The following ROR2 variants were observed in gnomAD, a reference collection of about 807,000 sequenced individuals.
ROR2 encodes the protein ROR family WNT receptor 2.
ROR2 carries 33 observed loss-of-function variants against 74.9 expected under a neutral mutation model. That is an observed-to-expected ratio of 0.44 (90% CI 0.33 to 0.59). The LOEUF (loss-of-function observed/expected upper bound fraction) is 0.59. Among genes scored for constraint, ROR2 ranks in the 20% least tolerant of loss-of-function variants. ROR2 has a pLI of 0.02. For synonymous variants in ROR2, 586 were observed against 558.7 expected, an observed-to-expected ratio of 1.05 and a Z score of -0.69; for missense variants, 1,216 against 1,313.8, an observed-to-expected ratio of 0.93 and a Z score of 1.15.
intron 1 of ROR2, among the ~76,000 whole-genome samples, chr9:91,781,314 C>T (rs950097667): frequency 2.0e-5 from 3 of 152,214 alleles, no homozygotes; most frequent in Admixed American, 2.0e-4. Flanking sequence ...AGCTACGCTG[C>T]GAGCAAGCTC....
At chr9:91,947,158 C>G (rs543733830) in intron 1 of ROR2, among the ~76,000 whole-genome samples, 17 of 152,278 alleles carry the variant, frequency 1.1e-4, no homozygotes, top group South Asian at 8.3e-4. Context: ...AAAAACTACC[C>G]CTGGAAAACG....
chr9:91,780,154 G>A (rs1040868067), intron 1 of ROR2, among the ~76,000 whole-genome samples: 3 of 152,220 alleles, frequency 2.0e-5, no homozygotes, highest in Non-Finnish European at 2.9e-5. Context: ...CACTTTGGGA[G>A]GCCAAGGCGG....
chr9:91,815,964 G>C (rs975156228), intron 1 of ROR2, among the ~76,000 whole-genome samples: 1 of 152,056 alleles, frequency 6.6e-6, no homozygotes, highest in Non-Finnish European at 1.5e-5. Flanking sequence ...ACCTGCTCAC[G>C]GTCACCCCCA....
chr9:91,782,665 T>C (rs1826662456), intron 1 of ROR2, among the ~76,000 whole-genome samples: 1 of 150,986 alleles, frequency 6.6e-6, no homozygotes, highest in African/African-American at 2.4e-5. Flanking sequence ...CGTCCTGGGC[T>C]GCATGTGCCA....
chr9:91,856,642 C>A (rs1829297409), intron 1 of ROR2, among the ~76,000 whole-genome samples: 4 of 152,148 alleles, frequency 2.6e-5, no homozygotes, highest in Admixed American at 2.6e-4. Context: ...GAGAAACCAA[C>A]CCTGCTGACA....
In ROR2 at chr9:91,731,165, G is replaced by T; in HGVS notation, c.938-10C>A. 1 of 1,613,980 alleles carries T rather than the reference G, an allele frequency of 6.2e-7. No individual in the cohort carries two copies. Among genetic ancestry groups the T allele is most frequent in the South Asian group, 1.1e-5 (1 of 91,072 alleles). ...TTATAGCACTGATGGTCTGAACAAG[G>T]AAAACACGTTAGGAAAACCTCCGGG... is the stretch of plus-strand genomic sequence containing the variant. On this transcript the variant is annotated splice_polypyrimidine_tract_variant and intron_variant, in intron 6 of 8. Coordinates refer to ENST00000375708, the MANE Select transcript of ROR2 (RefSeq NM_004560.4).
chr9:91,887,490 T>C (rs923657006), intron 1 of ROR2, among the ~76,000 whole-genome samples: 3 of 152,252 alleles, frequency 2.0e-5, no homozygotes, highest in African/African-American at 7.2e-5. Context: ...TGTTTGAACA[T>C]GTGGCTCCAG....
intron 1 of ROR2, among the ~76,000 whole-genome samples, chr9:91,845,783 C>G (rs1462342853): frequency 1.4e-5 from 2 of 140,614 alleles, no homozygotes; most frequent in Non-Finnish European, 3.0e-5. Flanking sequence ...TCAGCCGACA[C>G]AGGAGAATTG....
At chr9:91,787,686 C>T (rs1378961401) in intron 1 of ROR2, among the ~76,000 whole-genome samples, 1 of 152,108 alleles carries the variant, frequency 6.6e-6, no homozygotes, top group Non-Finnish European at 1.5e-5. Context: ...AGAAAAAACA[C>T]AGCATCAACA....
intron 1 of ROR2, among the ~76,000 whole-genome samples, chr9:91,895,023 G>A (rs914524683): frequency 2.6e-5 from 4 of 152,220 alleles, no homozygotes; most frequent in African/African-American, 9.6e-5. Flanking sequence ...GGAAGCAGAT[G>A]TCCTTCAGCA....
intron 1 of ROR2, among the ~76,000 whole-genome samples, chr9:91,841,479 A>C (rs1418714484): frequency 6.6e-6 from 1 of 152,260 alleles, no homozygotes; most frequent in Non-Finnish European, 1.5e-5. Context: ...AGACTGGCAA[A>C]GGCCGGAAGC....
At chr9:91,946,981 GCTAA>G (rs780308299) in intron 1 of ROR2, among the ~76,000 whole-genome samples, 42 of 152,208 alleles carry the variant, frequency 2.8e-4, no homozygotes, top group South Asian at 8.3e-4. Flanking sequence ...TTAAATCCAG[GCTAA>G]CTGTTTAAGG....
At chr9:91,785,430 T>C (rs1202369691) in intron 1 of ROR2, among the ~76,000 whole-genome samples, 1 of 152,250 alleles carries the variant, frequency 6.6e-6, no homozygotes, top group Non-Finnish European at 1.5e-5. Flanking sequence ...CACACATGCA[T>C]CTGGTTCACC....
At chr9:91,883,900 C>A (rs1365385110) in intron 1 of ROR2, among the ~76,000 whole-genome samples, 1 of 152,144 alleles carries the variant, frequency 6.6e-6, no homozygotes, top group African/African-American at 2.4e-5. Context: ...TACCCAGGGC[C>A]CCTATCTAGC....
chr9:91,782,540 T>C (rs1826651835), intron 1 of ROR2, among the ~76,000 whole-genome samples: 1 of 149,036 alleles, frequency 6.7e-6, no homozygotes, highest in African/African-American at 2.5e-5. Context: ...AATAATTGTC[T>C]TGGGCCACAC....
intron 1 of ROR2, among the ~76,000 whole-genome samples, chr9:91,789,882 A>T (rs1430089789): frequency 6.6e-6 from 1 of 152,176 alleles, no homozygotes; most frequent in Non-Finnish European, 1.5e-5. Flanking sequence ...AAACACCAAG[A>T]CTGGCAGAAT....
intron 1 of ROR2, among the ~76,000 whole-genome samples, chr9:91,882,398 G>A (rs1477813581): frequency 7.1e-6 from 1 of 140,094 alleles, no homozygotes; most frequent in African/African-American, 2.8e-5. Context: ...GCGACAATGT[G>A]AGACTCTGTC....
At chr9:91,897,488 T>C (rs1207993697) in intron 1 of ROR2, among the ~76,000 whole-genome samples, 1 of 151,630 alleles carries the variant, frequency 6.6e-6, no homozygotes, top group African/African-American at 2.4e-5. Flanking sequence ...CAACCTTCCA[T>C]GGCTTTAGGA....
intron 2 of ROR2, among the ~76,000 whole-genome samples, chr9:91,769,219 AC>A (rs551330391): frequency 6.8e-4 from 103 of 151,904 alleles, no homozygotes; most frequent in African/African-American, 2.2e-3. Context: ...CACAAAATGT[AC>A]CCCTAGCAAT....
Sources: gnomAD v4.1 joint callset for allele counts (sites outside exome capture counted in the v4.1 genomes callset) on GRCh38, gnomAD v4.1.1 for gene constraint, MANE v1.5 for transcripts, NCBI Gene and HGNC (gene_info 2026-07-23, HGNC 2026-07-21) for gene names.